The following NOX4 variants were observed in gnomAD, a reference collection of about 807,000 sequenced individuals.
NOX4 encodes NADPH oxidase 4, also known as kidney oxidase-1.
Under a neutral mutation model 87.6 loss-of-function variants are expected in NOX4, and 69 were observed. The ratio of observed to expected loss-of-function variants is 0.79; its 90% confidence interval spans 0.65 to 0.96. NOX4 has a LOEUF of 0.96. NOX4 is among the 40% of genes least tolerant of loss of function. NOX4 has a pLI of 0.00. For synonymous variants in NOX4, 275 were observed against 238.2 expected (o/e 1.15, Z -1.42); for missense variants, 680 against 681.5 (o/e 1.00, Z 0.02).
At chr11:89,480,200 A>C (rs1946334447) in intron 2 of NOX4, among the ~76,000 whole-genome samples, 1 of 152,180 alleles carries the variant, frequency 6.6e-6, no homozygotes, top group Admixed American at 6.6e-5. Flanking sequence ...CAACAGTCAC[A>C]CTGCAAAGGT....
At chr11:89,391,246 A>G (rs1442271133) in intron 11 of NOX4, among the ~76,000 whole-genome samples, 2 of 152,180 alleles carry the variant, frequency 1.3e-5, no homozygotes, top group Admixed American at 1.3e-4. Flanking sequence ...TCATAAAAGG[A>G]AAGGTCAGGA....
At chr11:89,376,986 C>G (rs886773571) in intron 11 of NOX4, among the ~76,000 whole-genome samples, 1 of 151,760 alleles carries the variant, frequency 6.6e-6, no homozygotes, top group African/African-American at 2.4e-5. Context: ...TGAATTCAGG[C>G]GGCAGAGGTT....
the NOX4 span, among the ~76,000 whole-genome samples, chr11:89,503,271 C>T: frequency 6.6e-6 from 1 of 151,922 alleles, no homozygotes; most frequent in African/African-American, 2.4e-5. Flanking sequence ...AAGTCCTCAA[C>T]TAGACTCTCC....
chr11:89,380,900 T>C (rs1210158683), intron 11 of NOX4, among the ~76,000 whole-genome samples: 2 of 152,198 alleles, frequency 1.3e-5, no homozygotes, highest in Admixed American at 1.3e-4. Context: ...TATGAAAACA[T>C]AGAGCAAAAC....
chr11:89,546,952 T>C, the NOX4 span, among the ~76,000 whole-genome samples: 1 of 152,186 alleles, frequency 6.6e-6, no homozygotes, highest in Non-Finnish European at 1.5e-5. Flanking sequence ...ACCATAGCAG[T>C]TTCTAAGCTC....
chr11:89,518,782 T>C, the NOX4 span, among the ~76,000 whole-genome samples: 1 of 152,060 alleles, frequency 6.6e-6, no homozygotes, highest in Non-Finnish European at 1.5e-5. Context: ...CGTGGAGTAA[T>C]TCACCAGACC....
At chr11:89,364,629 A>G (rs943945160) in intron 12 of NOX4, among the ~76,000 whole-genome samples, 3 of 152,102 alleles carry the variant, frequency 2.0e-5, no homozygotes, top group South Asian at 2.1e-4. Flanking sequence ...AATGAATAAG[A>G]ACACTAATAG....
chr11:89,519,670 G>A, the NOX4 span, among the ~76,000 whole-genome samples: 1 of 152,134 alleles, frequency 6.6e-6, no homozygotes, highest in African/African-American at 2.4e-5. Flanking sequence ...GAGCTAGGGA[G>A]CAGCCAATAA....
chr11:89,563,206 C>A, the NOX4 span, among the ~76,000 whole-genome samples: 1 of 152,110 alleles, frequency 6.6e-6, no homozygotes, highest in South Asian at 2.1e-4. Flanking sequence ...AGAAAAGAGG[C>A]CCTATGTTTC....
At chr11:89,555,087 C>A in the NOX4 span, among the ~76,000 whole-genome samples, 1 of 152,038 alleles carries the variant, frequency 6.6e-6, no homozygotes, top group African/African-American at 2.4e-5. Flanking sequence ...ATAATAGTTT[C>A]CTGCCCCAGT....
chr11:89,357,225 T>TTC (rs397703845), intron 12 of NOX4, among the ~76,000 whole-genome samples: 7 of 151,142 alleles, frequency 4.6e-5, no homozygotes, highest in Admixed American at 4.0e-4. Flanking sequence ...TGTTTTTTTT[T>TTC]CTCTCAAAAT....
Position 89,435,436 on chromosome 11 carries a change from A to G in NOX4, c.476-2580T>C, listed in dbSNP as rs1353209854. ...GGAGTATGTTTAGAATAGAGCCACA[A>G]TTTCCAAAGTGTATTATTTGAAAAT... On this transcript the variant is annotated intron_variant, in intron 6 of 17. Coordinates refer to ENST00000263317, the MANE Select transcript of NOX4 (RefSeq NM_016931.5). 2.0e-5 allele frequency among the ~76,000 whole-genome samples: 3 copies of G among 152,106 alleles called. No individual in the cohort carries two copies. The East Asian group carries it at 5.8e-4, about 29-fold the overall frequency.
intron 2 of NOX4, among the ~76,000 whole-genome samples, chr11:89,462,736 A>G (rs1043903499): frequency 1.3e-5 from 2 of 152,090 alleles, no homozygotes; most frequent in African/African-American, 4.8e-5. Context: ...TCAAAATTCA[A>G]AACTTTTAAT....
At chr11:89,483,491 C>T (rs547113145) in intron 2 of NOX4, among the ~76,000 whole-genome samples, 1 of 151,932 alleles carries the variant, frequency 6.6e-6, no homozygotes, top group East Asian at 1.9e-4. Flanking sequence ...GTAAAATAAG[C>T]CAGGCACAGG....
At chr11:89,384,035 C>T (rs1278765687) in intron 11 of NOX4, among the ~76,000 whole-genome samples, 3 of 152,070 alleles carry the variant, frequency 2.0e-5, no homozygotes, top group Non-Finnish European at 4.4e-5. Flanking sequence ...ACAGCATGGC[C>T]TTTTAAAGCC....
At chr11:89,489,395 G>GA (rs1208583768) in intron 2 of NOX4, among the ~76,000 whole-genome samples, 3 of 152,200 alleles carry the variant, frequency 2.0e-5, no homozygotes, top group African/African-American at 7.2e-5. Context: ...GGTTCCCTAA[G>GA]TTTTTGCAGG....
chr11:89,450,569 A>ATTT (rs984491100), intron 3 of NOX4, among the ~76,000 whole-genome samples: 10 of 151,884 alleles, frequency 6.6e-5, no homozygotes, highest in Non-Finnish European at 1.3e-4. Context: ...TGACATCACT[A>ATTT]TTTATTATTA....
the NOX4 span, among the ~76,000 whole-genome samples, chr11:89,537,837 G>A: frequency 8.6e-4 from 131 of 152,170 alleles, 4 homozygotes; most frequent in East Asian, 0.018. Context: ...AAGCACATAC[G>A]ACATAAAAGA....
At chr11:89,554,997 T>C in the NOX4 span, among the ~76,000 whole-genome samples, 2 of 152,132 alleles carry the variant, frequency 1.3e-5, no homozygotes, top group Non-Finnish European at 2.9e-5. Flanking sequence ...TGTAAGCATA[T>C]AGAGTTTTAA....
Sources: gnomAD v4.1 joint callset for allele counts (sites outside exome capture counted in the v4.1 genomes callset) on GRCh38, gnomAD v4.1.1 for gene constraint, MANE v1.5 for transcripts, NCBI Gene and HGNC (gene_info 2026-07-23, HGNC 2026-07-21) for gene names.